Variants in AUTS2 observed in about 807,000 individuals in gnomAD.
AUTS2 encodes the protein autism susceptibility gene 2 protein.
Under a neutral mutation model 112.4 loss-of-function variants are expected in AUTS2, and 17 were observed. The ratio of observed to expected loss-of-function variants is 0.15; its 90% CI spans 0.10 to 0.23. The LOEUF is 0.23. Ranked by LOEUF, AUTS2 falls within the 10% of genes least tolerant of loss-of-function variation. AUTS2 has a pLI of 1.00. For synonymous variants in AUTS2, 751 were observed against 702.7 expected (o/e 1.07, Z -1.09); for missense variants, 1,510 against 1,701.6 (o/e 0.89, Z 1.98).
At chr7:70,412,845 G>A (rs1305258393) in intron 4 of AUTS2, among the ~76,000 whole-genome samples, 1 of 152,148 alleles carries the variant, frequency 6.6e-6, no homozygotes, top group African/African-American at 2.4e-5. Context: ...ACAAAAATTA[G>A]CTGGCCATGC....
intron 5 of AUTS2, among the ~76,000 whole-genome samples, chr7:70,452,186 A>G (rs1363736484): frequency 6.6e-6 from 1 of 152,190 alleles, no homozygotes; most frequent in Non-Finnish European, 1.5e-5. Context: ...TATATGGCCC[A>G]TAATAGTAAC....
At chr7:69,742,616 C>G (rs1787317349) in intron 1 of AUTS2, among the ~76,000 whole-genome samples, 4 of 152,120 alleles carry the variant, frequency 2.6e-5, no homozygotes, top group Admixed American at 2.6e-4. Context: ...TCAAAACTAA[C>G]TTTGAAGATA....
At chr7:70,100,339 G>A (rs1021379144) in intron 2 of AUTS2, among the ~76,000 whole-genome samples, 1 of 152,038 alleles carries the variant, frequency 6.6e-6, no homozygotes, top group African/African-American at 2.4e-5. Context: ...AACTTTAAGA[G>A]TGGAACTTAA....
intron 1 of AUTS2, among the ~76,000 whole-genome samples, chr7:69,730,383 G>C (rs117409507): frequency 0.012 from 1,882 of 152,018 alleles, 20 homozygotes; most frequent in Non-Finnish European, 0.02. Context: ...CATCAATTCT[G>C]TCCCCACCTG....
chr7:70,701,586 C>T (rs988904472), intron 6 of AUTS2, among the ~76,000 whole-genome samples: 3 of 152,042 alleles, frequency 2.0e-5, no homozygotes, highest in African/African-American at 7.3e-5. Flanking sequence ...TTAGGTGTTC[C>T]GAATGGTCGT....
chr7:69,623,472 T>C (rs984034841), intron 1 of AUTS2, among the ~76,000 whole-genome samples: 10 of 139,500 alleles, frequency 7.2e-5, no homozygotes, highest in African/African-American at 2.4e-4. Flanking sequence ...GCTCAAGGAA[T>C]CTAGCTGCCT....
intron 5 of AUTS2, among the ~76,000 whole-genome samples, chr7:70,523,580 C>A (rs1384325575): frequency 6.6e-6 from 1 of 152,184 alleles, no homozygotes. Context: ...AATCTAGACT[C>A]CTCTTCAGGA....
At chr7:69,786,202 A>C (rs1789364559) in intron 1 of AUTS2, among the ~76,000 whole-genome samples, 1 of 151,980 alleles carries the variant, frequency 6.6e-6, no homozygotes, top group Non-Finnish European at 1.5e-5. Flanking sequence ...ACCAATCAGC[A>C]CTCTGTAGAA....
chr7:70,529,388 T>G (rs56110507), intron 5 of AUTS2, among the ~76,000 whole-genome samples: 1,699 of 152,282 alleles, frequency 0.011, 11 homozygotes, highest in Non-Finnish European at 0.019. Context: ...GTTTTACAAA[T>G]GGAGAAAGTG....
At chr7:69,769,784 A>T (rs533866964) in intron 1 of AUTS2, among the ~76,000 whole-genome samples, 51 of 152,356 alleles carry the variant, frequency 3.3e-4, no homozygotes, top group African/African-American at 1.2e-3. Flanking sequence ...GGTGGAAAAG[A>T]TAAAGAAATT....
intron 5 of AUTS2, among the ~76,000 whole-genome samples, chr7:70,659,577 C>G (rs1164626234): frequency 2.0e-5 from 3 of 152,114 alleles, no homozygotes; most frequent in Non-Finnish European, 4.4e-5. Flanking sequence ...CACCTATCTC[C>G]TAGAGATTAT....
intron 1 of AUTS2, among the ~76,000 whole-genome samples, chr7:69,755,078 G>A (rs758283067): frequency 2.0e-5 from 3 of 152,210 alleles, no homozygotes; most frequent in Non-Finnish European, 4.4e-5. Flanking sequence ...AGAGATATAA[G>A]GAGGTTAAGT....
At chr7:70,622,785 G>A (rs557001747) in intron 5 of AUTS2, among the ~76,000 whole-genome samples, 5 of 152,150 alleles carry the variant, frequency 3.3e-5, no homozygotes, top group Admixed American at 2.0e-4. Context: ...GTCTTTCATC[G>A]GCCTTTTTCT....
rs546294560 is a variant in AUTS2, at chr7:69,836,171, A to G, written c.310-63115A>G. 4.2e-4 allele frequency among the ~76,000 whole-genome samples: 64 copies of G among 152,304 alleles called. 1 individual carries two copies. The highest frequency in any genetic ancestry group is 6.8e-3 in the Middle Eastern group (2 of 294). On this transcript the variant is annotated intron_variant, in intron 1 of 18. Coordinates refer to ENST00000342771, the MANE Select transcript of AUTS2 (RefSeq NM_015570.4). ...CCTTCTTTTTGGACTTGAGTATTTT[A>G]GACAAAACTAACATTTTCTTCAGCT... is the stretch of plus-strand genomic sequence containing the variant.
chr7:70,414,095 T>A (rs1441519792), intron 4 of AUTS2, among the ~76,000 whole-genome samples: 1 of 152,198 alleles, frequency 6.6e-6, no homozygotes, highest in African/African-American at 2.4e-5. Flanking sequence ...AATCTTCCCA[T>A]GTTTATTAAT....
chr7:70,048,874 G>A (rs190604578), intron 2 of AUTS2, among the ~76,000 whole-genome samples: 8 of 152,258 alleles, frequency 5.3e-5, no homozygotes, highest in Non-Finnish European at 7.4e-5. Flanking sequence ...TAAATTGTAC[G>A]TACCCAAAAT....
At chr7:70,771,378 C>T (rs1790326862) in intron 10 of AUTS2, 171 bp from the exon 11 acceptor site, 1 of 479,758 alleles carries the variant, frequency 2.1e-6, no homozygotes, top group Admixed American at 3.6e-5. Context: ...TTTTAAGTTA[C>T]ACATTCGTGG....
intron 5 of AUTS2, among the ~76,000 whole-genome samples, chr7:70,629,477 A>C (rs1805143191): frequency 6.6e-6 from 1 of 151,886 alleles, no homozygotes; most frequent in African/African-American, 2.4e-5. Context: ...ATCTCAAAAA[A>C]AGGGAAGAAA....
At chr7:69,983,061 C>T (rs770852541) in intron 2 of AUTS2, among the ~76,000 whole-genome samples, 12 of 152,142 alleles carry the variant, frequency 7.9e-5, no homozygotes, top group Admixed American at 6.5e-5. Flanking sequence ...AAACTAATGG[C>T]GTAACCAGAT....
Sources: gnomAD v4.1 joint callset for allele counts (sites outside exome capture counted in the v4.1 genomes callset) on GRCh38, gnomAD v4.1.1 for gene constraint, MANE v1.5 for transcripts, NCBI Gene and HGNC (gene_info 2026-07-23, HGNC 2026-07-21) for gene names.